The following ACAD11 variants were observed in gnomAD, a reference collection of about 807,000 sequenced individuals.
The protein encoded by ACAD11 is acyl-Coenzyme A dehydrogenase family, member 11.
ACAD11 carries 83 observed loss-of-function variants against 102.2 expected under a neutral mutation model. That is an observed-to-expected ratio of 0.81 (90% confidence interval 0.68 to 0.97). ACAD11 has a LOEUF of 0.97. Among genes scored for constraint, ACAD11 ranks in the 50% least tolerant of loss-of-function variants. The pLI, the probability that ACAD11 is intolerant of heterozygous loss-of-function variation, is 0.00. For synonymous variants in ACAD11, 324 were observed against 319.8 expected, an observed-to-expected ratio of 1.01 and a Z score of -0.14; for missense variants, 901 against 951.7, an observed-to-expected ratio of 0.95 and a Z score of 0.70.
Position 132,651,911 on chromosome 3 carries a change from C to T in ACAD11, c.150-7015G>A, listed in dbSNP as rs184326456. ...GCTTTTGATTTTACAGGCTCATAGG[C>T]AGAAGGGACTTACCTTGTCTCAGAT... On this transcript the variant is annotated intron_variant, in intron 1 of 19. Transcript: ENST00000264990. Among the ~76,000 whole-genome samples, 658 of 152,292 alleles carry T rather than the reference C, an allele frequency of 4.3e-3. 16 individuals are homozygous for T. Among genetic ancestry groups the T allele is most frequent in the Admixed American group, 0.04 (611 of 15,294 alleles).
At chr3:132,589,131 T>A (rs1937969636) in intron 13 of ACAD11, among the ~76,000 whole-genome samples, 2 of 152,202 alleles carry the variant, frequency 1.3e-5, no homozygotes, top group African/African-American at 4.8e-5. Context: ...ATGCAGGCCC[T>A]CACCAGGCAC....
intron 13 of ACAD11, 89 bp downstream of exon 13, chr3:132,603,140 T>C (rs1350025352): frequency 1.8e-6 from 2 of 1,114,842 alleles, no homozygotes; most frequent in Non-Finnish European, 2.7e-6. Context: ...ATCATGAAAC[T>C]GATCACTATG....
intron 1 of ACAD11, among the ~76,000 whole-genome samples, chr3:132,646,768 G>A (rs1461250213): frequency 6.6e-6 from 1 of 152,150 alleles, no homozygotes; most frequent in Non-Finnish European, 1.5e-5. Flanking sequence ...CAATATACAG[G>A]AATAAAATGC....
intron 13 of ACAD11, among the ~76,000 whole-genome samples, chr3:132,592,803 T>C (rs1938135549): frequency 6.6e-6 from 1 of 152,044 alleles, no homozygotes; most frequent in Non-Finnish European, 1.5e-5. Context: ...TTCCCTTATA[T>C]GAAAAAAGAT....
intron 1 of ACAD11, 26 bp downstream of exon 1, chr3:132,659,577 C>T: frequency 6.2e-7 from 1 of 1,607,112 alleles, no homozygotes; most frequent in Non-Finnish European, 8.5e-7. Flanking sequence ...TTTTTTTCCG[C>T]TGGAGGCAAA....
Position 132,639,770 on chromosome 3 carries a change from C to G in ACAD11, c.538-114G>C, listed in dbSNP as rs1052437699. ...GTTTTACTCCTAAATACTTAAGACC[C>G]ATGCTGGTGATACTCCTGTCATCCT... On this transcript the variant is annotated intron_variant, in intron 4 of 19. Transcript: ENST00000264990. 3.2e-6 allele frequency: 3 copies of G among 938,818 alleles called. No individual in the cohort carries two copies. In the South Asian group the frequency reaches 5.0e-5, roughly 16 times the overall value. The allele number at this position is 938,818 out of a possible 1,614,324, so 58.2% of individuals were successfully genotyped here.
chr3:132,640,057 G>A (rs533900580), intron 4 of ACAD11, among the ~76,000 whole-genome samples: 1 of 151,604 alleles, frequency 6.6e-6, no homozygotes, highest in African/African-American at 2.4e-5. Flanking sequence ...AAAGGGTCAC[G>A]AGAAATAAGT....
chr3:132,577,892 A>G (rs1937545896), intron 15 of ACAD11, among the ~76,000 whole-genome samples: 2 of 152,138 alleles, frequency 1.3e-5, no homozygotes, highest in South Asian at 4.1e-4. Context: ...GCTGCAACCC[A>G]ACAATTTCCT....
At chr3:132,611,475 C>A (rs1014119433) in intron 11 of ACAD11, among the ~76,000 whole-genome samples, 3 of 152,072 alleles carry the variant, frequency 2.0e-5, no homozygotes, top group Non-Finnish European at 4.4e-5. Flanking sequence ...CTAGAAAACC[C>A]CATCGTCTCA....
chr3:132,639,627 A>C lies in ACAD11; in HGVS notation c.567T>G (p.Ala189=). The change falls in exon 5 of 20, where the codon GCT becomes GCG. Residue 189 remains alanine (A), a synonymous_variant. Transcript: ENST00000264990. ...QVSTWTKQYQ[A]AAHQDIPAMQ... ...TGGCAGGGATGTCCTGATGAGCTGC[A>C]GCTTGATATTGCTTTGTCCAGGTTG... The C allele has an allele frequency of 6.2e-7, 1 of 1,613,630 alleles. No individual in the cohort carries two copies. Among genetic ancestry groups the C allele is most frequent in the Non-Finnish European group, 8.5e-7 (1 of 1,179,790 alleles).
chr3:132,594,104 A>G (rs765099426), intron 13 of ACAD11, among the ~76,000 whole-genome samples: 9 of 152,218 alleles, frequency 5.9e-5, no homozygotes, highest in African/African-American at 9.6e-5. Context: ...ATTTATACAC[A>G]GCATTCATAC....
chr3:132,639,719 TA>T, intron 4 of ACAD11, 63 bp from the exon 5 acceptor site: 1 of 1,478,156 alleles, frequency 6.8e-7, no homozygotes, highest in Non-Finnish European at 9.2e-7. Flanking sequence ...CTAGCAATTC[TA>T]AAATTAAAAC....
intron 4 of ACAD11, among the ~76,000 whole-genome samples, chr3:132,641,599 AGAAGAG>A (rs1392180409): frequency 2.2e-5 from 3 of 139,052 alleles, no homozygotes; most frequent in Non-Finnish European, 4.7e-5. Flanking sequence ...AAGAAGAAGA[AGAAGAG>A]GAGGAAGAAG....
In ACAD11 at chr3:132,659,620, C is replaced by T; in HGVS notation, c.132G>A (p.Leu44=). 1 of 1,610,088 alleles carries T rather than the reference C, an allele frequency of 6.2e-7. No individual in the cohort carries two copies. The highest frequency in any genetic ancestry group is 8.5e-7 in the Non-Finnish European group (1 of 1,178,404). The part of the protein sequence containing the change: ...SGFGAEREAT[L]TIAQYRAGKS... The stretch of plus-strand genomic sequence containing the variant: ...ATCCATACCTGTACTGGGCAATGGT[C>T]AGCGTAGCCTCACGTTCGGCCCCAA... The change falls in exon 1 of 20, where the codon CTG becomes CTA. Residue 44 remains leucine (L), a synonymous_variant. Transcript: ENST00000264990.
In ACAD11 at chr3:132,631,370, A is replaced by G; in HGVS notation, c.812T>C (p.Ile271Thr). 1 of 1,515,270 alleles carries G rather than the reference A, an allele frequency of 6.6e-7. No individual in the cohort carries two copies. Among genetic ancestry groups the G allele is most frequent in the Non-Finnish European group, 8.9e-7 (1 of 1,128,164 alleles). The allele number at this position is 1,515,270 out of a possible 1,614,324, so 93.9% of individuals were successfully genotyped here. ...GTTTTCACTATAAGAACCTTGATTT[A>G]TCATTGGAACTGTCCTTGGCCAAAA... ...FYFWPRTVPM[I>T]NQGSYSENSG... is the part of the protein sequence containing the mutation. The change falls in exon 6 of 20, where the codon ATA (isoleucine) becomes ACA (threonine). Residue 271 changes from isoleucine to threonine, a missense_variant. Physicochemically the swap from Ile to Thr is moderately conservative, Grantham distance 89 (BLOSUM62 -1). Coordinates refer to ENST00000264990, the MANE Select transcript of ACAD11 (RefSeq NM_032169.5).
At chr3:132,600,747 C>T (rs374837439) in intron 13 of ACAD11, 3 of 1,613,872 alleles carry the variant, frequency 1.9e-6, no homozygotes, top group Non-Finnish European at 1.7e-6. Context: ...ATAACTTCAG[C>T]CTTGTACACA....
rs1402608473 is a variant in ACAD11, at chr3:132,559,162, T to C, written c.2229-77A>G. 109 of 992,474 alleles carry C rather than the reference T, an allele frequency of 1.1e-4. 1 individual carries two copies. Among genetic ancestry groups the C allele is most frequent in the Non-Finnish European group, 1.7e-4 (104 of 628,354 alleles). 61.5% of individuals were successfully genotyped at this position (992,474 alleles called of 1,614,324 possible). A position where few individuals can be genotyped will look rare whatever the true frequency, so the allele number is the denominator to read the frequency against. ...GATACTTTGACATCAGTCACTCTGA[T>C]TGTCAACCAAGACTATATTAATTCT... On this transcript the variant is annotated intron_variant, in intron 19 of 19. Transcript: ENST00000264990.
At chr3:132,652,596 T>C (rs1030573523) in intron 1 of ACAD11, among the ~76,000 whole-genome samples, 1 of 152,130 alleles carries the variant, frequency 6.6e-6, no homozygotes, top group Non-Finnish European at 1.5e-5. Context: ...TAACTGGCCA[T>C]AGCTGAAGAA....
In ACAD11 at chr3:132,649,161, A is replaced by AAT. The variant is rs748304333; in HGVS notation, c.150-4267_150-4266dup. 2.0e-3 allele frequency among the ~76,000 whole-genome samples: 300 copies of AAT among 152,324 alleles called. 3 individuals are homozygous for AAT. Among genetic ancestry groups the AAT allele is most frequent in the Non-Finnish European group, 4.6e-4 (31 of 68,034 alleles). On this transcript the variant is annotated intron_variant, in intron 1 of 19. Transcript: ENST00000264990. Reference sequence around the variant, plus strand: ...GGTTTCTCCCCATGTGATAGTCTGAAATATGGCCCCGTGAGATGGGAAAGA... The same window carrying AAT: ...GGTTTCTCCCCATGTGATAGTCTGAAATATATGGCCCCGTGAGATGGGAAAGA...
Sources: gnomAD v4.1 joint callset for allele counts (sites outside exome capture counted in the v4.1 genomes callset) on GRCh38, gnomAD v4.1.1 for gene constraint, MANE v1.5 for transcripts, NCBI Gene and HGNC (gene_info 2026-07-23, HGNC 2026-07-21) for gene names.